The following GMPR variants were observed in gnomAD, a reference collection of about 807,000 sequenced individuals.
GMPR encodes GMP reductase 1.
A neutral mutation model predicts 38.4 loss-of-function variants in GMPR; 31 were observed. The observed-to-expected ratio is 0.81, with a 90% confidence interval of 0.61 to 1.09. The LOEUF (loss-of-function observed/expected upper bound fraction) is 1.09. Ranked by LOEUF, GMPR falls within the 50% of genes least tolerant of loss-of-function variation. The pLI is 0.00. For missense variants in GMPR, 468 were observed against 453.7 expected (o/e 1.03, Z -0.29); for synonymous variants, 162 against 173.3 (o/e 0.93, Z 0.51).
rs918386548 is a variant in GMPR, at chr6:16,288,717, C to T, written c.698-1745C>T. On this transcript the variant is annotated intron_variant, in intron 7 of 8. Transcript: ENST00000259727. ...TCCACTGGATGAAGCCAGCTGGGCT[C>T]CTCAGTCTGGTGGGGACGTGGAGAA... Among the ~76,000 whole-genome samples, 6 of 152,294 alleles carry T rather than the reference C, an allele frequency of 3.9e-5. No homozygotes were observed. In the East Asian group the frequency reaches 5.8e-4, roughly 15 times the overall value.
intron 4 of GMPR, among the ~76,000 whole-genome samples, chr6:16,260,740 A>C (rs1368534265): frequency 1.3e-5 from 2 of 152,032 alleles, no homozygotes; most frequent in African/African-American, 4.8e-5. Flanking sequence ...TGGAACTGCC[A>C]TCAATAAATC....
Position 16,238,771 on chromosome 6 carries a change from C to T in GMPR, c.78C>T (p.Ser26=). The T allele has an allele frequency of 6.9e-7, 1 of 1,458,604 alleles. No individual in the cohort carries two copies. The highest frequency in any genetic ancestry group is 9.2e-7 in the Non-Finnish European group (1 of 1,089,204). The allele number at this position is 1,458,604 out of a possible 1,614,324, so 90.4% of individuals were successfully genotyped here. The change falls in exon 1 of 9, where the codon AGC becomes AGT. Residue 26 remains serine, a synonymous_variant. Coordinates refer to ENST00000259727, the MANE Select transcript of GMPR (RefSeq NM_006877.4). ...GACCTAAGCGGAGCAGCCTCAAGAG[C>T]CGAGCCGAGGTGGGGGACGTTCGGA... ...LLRPKRSSLK[S]RAEVDLERTF...
At chr6:16,245,385 A>T (rs1758733229) in intron 1 of GMPR, among the ~76,000 whole-genome samples, 1 of 152,224 alleles carries the variant, frequency 6.6e-6, no homozygotes. Context: ...GAGCGGTCCC[A>T]TGGTGTTTTC....
intron 4 of GMPR, among the ~76,000 whole-genome samples, chr6:16,270,663 GC>G (rs1759366496): frequency 6.6e-6 from 1 of 152,124 alleles, no homozygotes; most frequent in Admixed American, 6.5e-5. Flanking sequence ...TGAATTGACA[GC>G]TTTTTGTTCC....
intron 7 of GMPR, among the ~76,000 whole-genome samples, chr6:16,287,919 G>C (rs1326177523): frequency 3.9e-5 from 6 of 152,214 alleles, no homozygotes; most frequent in African/African-American, 7.2e-5. Context: ...CAAATTGAAG[G>C]CATCAGGGCC....
chr6:16,268,042 C>T (rs779976434), intron 4 of GMPR, among the ~76,000 whole-genome samples: 26 of 152,294 alleles, frequency 1.7e-4, no homozygotes, highest in Non-Finnish European at 3.7e-4. Flanking sequence ...AAGCTTGGGG[C>T]AGGTCTGGGG....
intron 5 of GMPR, among the ~76,000 whole-genome samples, chr6:16,277,158 A>T (rs901339136): frequency 6.6e-6 from 1 of 152,110 alleles, no homozygotes; most frequent in African/African-American, 2.4e-5. Flanking sequence ...TGGGAATGAG[A>T]CTTCTTGGCT....
At chr6:16,264,532 A>G (rs906652787) in intron 4 of GMPR, 2 of 152,604 alleles carry the variant, frequency 1.3e-5, no homozygotes, top group African/African-American at 4.8e-5. Flanking sequence ...TGTGAGCAAC[A>G]TGGCTGTTTA....
At chr6:16,267,242 G>A (rs1215607954) in intron 4 of GMPR, among the ~76,000 whole-genome samples, 2 of 152,024 alleles carry the variant, frequency 1.3e-5, no homozygotes, top group Non-Finnish European at 2.9e-5. Context: ...TGCAGTGGCG[G>A]GCGCCTGTAG....
chr6:16,285,794 A>G lies in GMPR; in HGVS notation c.656A>G (p.Asp219Gly), dbSNP rs1469244797. Residue 219 changes from aspartate to glycine, a missense_variant and splice_region_variant, in exon 7 of 9, where the codon GAT becomes GGT. By Grantham distance (94) the Asp-to-Gly change is moderately conservative. Transcript: ENST00000259727. ...GTCCTTGCTTTTTCCTCTGTGAAGG[A>G]TGGAGGCTGTACGTGTCCAGGGGAT... ...AHGLKGHIIS[D>G]GGCTCPGDVA... 1 of 1,613,114 alleles carries G rather than the reference A, an allele frequency of 6.2e-7. No homozygotes were observed. Among genetic ancestry groups the G allele is most frequent in the Non-Finnish European group, 8.5e-7 (1 of 1,179,510 alleles).
At chr6:16,289,054 C>T (rs947392739) in intron 7 of GMPR, among the ~76,000 whole-genome samples, 25 of 152,308 alleles carry the variant, frequency 1.6e-4, no homozygotes, top group African/African-American at 4.6e-4. Context: ...CTTCTGGCTC[C>T]TTTTCTTTGG....
intron 7 of GMPR, among the ~76,000 whole-genome samples, chr6:16,289,253 A>AAAGT (rs1561835857): frequency 6.6e-6 from 1 of 152,212 alleles, no homozygotes; most frequent in Non-Finnish European, 1.5e-5. Context: ...TGTTACACTC[A>AAAGT]CAGTGAGAGT....
chr6:16,271,730 T>G (rs528430046), intron 4 of GMPR, among the ~76,000 whole-genome samples: 54 of 152,148 alleles, frequency 3.5e-4, no homozygotes, highest in Non-Finnish European at 6.8e-4. Flanking sequence ...CTTTCTAGTA[T>G]AAAATCTAGA....
chr6:16,271,296 G>A (rs1759380063), intron 4 of GMPR, among the ~76,000 whole-genome samples: 1 of 152,102 alleles, frequency 6.6e-6, no homozygotes, highest in East Asian at 1.9e-4. Flanking sequence ...GACCAGCCTA[G>A]GCAACAAGGC....
At position 16,268,803 on chromosome 6, in the gene GMPR, G is replaced by T. The variant is rs1362894571; in HGVS notation, c.466-5612G>T. Among the ~76,000 whole-genome samples, 3 of 152,030 alleles carry T rather than the reference G, an allele frequency of 2.0e-5. No individual in the cohort carries two copies. In the East Asian group the frequency reaches 5.8e-4, roughly 29 times the overall value. ...CCAGAGATGGATAATGGTGATGGTTGTACAACAGTGTGAATGTACTCAATG... is the reference window on the plus strand; with the variant it reads ...CCAGAGATGGATAATGGTGATGGTTTTACAACAGTGTGAATGTACTCAATG... On this transcript the variant is annotated intron_variant, in intron 4 of 8. Transcript: ENST00000259727.
At chr6:16,284,864 A>G (rs1029868481) in intron 6 of GMPR, among the ~76,000 whole-genome samples, 2 of 152,048 alleles carry the variant, frequency 1.3e-5, no homozygotes, top group Non-Finnish European at 2.9e-5. Flanking sequence ...TACTAAAAGT[A>G]CAAAAATTAG....
Position 16,290,604 on chromosome 6 carries a change from A to C in GMPR, c.840A>C (p.Gly280=), listed in dbSNP as rs763037578. Residue 280 remains glycine (G), a synonymous_variant, in exon 8 of 9, where the codon GGA becomes GGC. Transcript: ENST00000259727. ...SSDTAMNKHA[G]GVAEYRASEG... ...ACACCGCCATGAACAAGCACGCAGG[A>C]GGAGTTGCTGAGTACAGGTGAGGAG... 79 of 1,614,014 alleles carry C rather than the reference A, an allele frequency of 4.9e-5. No homozygotes were observed. Among genetic ancestry groups the C allele is most frequent in the Non-Finnish European group, 6.6e-5 (78 of 1,180,016 alleles).
intron 1 of GMPR, among the ~76,000 whole-genome samples, chr6:16,245,277 C>T (rs1323096501): frequency 1.3e-5 from 2 of 152,262 alleles, no homozygotes; most frequent in Non-Finnish European, 2.9e-5. Context: ...CTGTGTGAGG[C>T]CTGTGCAGTC....
chr6:16,289,180 G>C (rs1432817691), intron 7 of GMPR, among the ~76,000 whole-genome samples: 3 of 152,080 alleles, frequency 2.0e-5, no homozygotes, highest in Non-Finnish European at 4.4e-5. Context: ...CTTCATTTTT[G>C]AGCTAGCGCA....
Sources: gnomAD v4.1 joint callset for allele counts (sites outside exome capture counted in the v4.1 genomes callset) on GRCh38, gnomAD v4.1.1 for gene constraint, MANE v1.5 for transcripts, NCBI Gene and HGNC (gene_info 2026-07-23, HGNC 2026-07-21) for gene names.